L3MBTL4: variants seen among roughly 807,000 people sequenced by gnomAD.
L3MBTL4 encodes the protein L3MBTL histone methyl-lysine binding protein 4.
L3MBTL4 carries 70 observed loss-of-function variants against 84.5 expected under a neutral mutation model. That is an observed-to-expected ratio of 0.83 (90% confidence interval 0.68 to 1.01). L3MBTL4 has a LOEUF of 1.01. L3MBTL4 is among the 50% of genes least tolerant of loss of function. The pLI, the probability that L3MBTL4 is intolerant of heterozygous loss-of-function variation, is 0.00. For missense variants in L3MBTL4, 715 were observed against 754.8 expected (o/e 0.95, Z 0.62); for synonymous variants, 274 against 259.8 (o/e 1.05, Z -0.52).
At chr18:6,005,369 A>G (rs904497958) in intron 16 of L3MBTL4, among the ~76,000 whole-genome samples, 2 of 152,140 alleles carry the variant, frequency 1.3e-5, no homozygotes, top group African/African-American at 4.8e-5. Flanking sequence ...AAAGGAGCAC[A>G]TGTACGGGTT....
intron 16 of L3MBTL4, among the ~76,000 whole-genome samples, chr18:6,036,154 C>T (rs981096953): frequency 6.6e-5 from 10 of 152,148 alleles, no homozygotes; most frequent in African/African-American, 1.9e-4. Context: ...ATTAGTGTTT[C>T]GGTTTGGATC....
chr18:6,097,260 G>T (rs1464744083), intron 14 of L3MBTL4, among the ~76,000 whole-genome samples: 1 of 152,198 alleles, frequency 6.6e-6, no homozygotes, highest in Non-Finnish European at 1.5e-5. Context: ...TGTTTTGACA[G>T]ATACAAGTAG....
chr18:5,961,207 G>A (rs894289412), intron 17 of L3MBTL4, among the ~76,000 whole-genome samples: 7 of 152,206 alleles, frequency 4.6e-5, no homozygotes, highest in Non-Finnish European at 7.3e-5. Context: ...GCTGGAGAGC[G>A]CAGTTATCAA....
At chr18:6,295,227 G>A (rs1237131657) in intron 4 of L3MBTL4, among the ~76,000 whole-genome samples, 1 of 151,510 alleles carries the variant, frequency 6.6e-6, no homozygotes, top group Non-Finnish European at 1.5e-5. Flanking sequence ...AGCCGGGATA[G>A]TGCCACTGCA....
chr18:6,302,230 T>G (rs1568460363), intron 3 of L3MBTL4, among the ~76,000 whole-genome samples: 1 of 152,116 alleles, frequency 6.6e-6, no homozygotes, highest in Non-Finnish European at 1.5e-5. Flanking sequence ...TTGACACAGG[T>G]ACCTTCCCTG....
At chr18:5,994,275 G>A (rs771679758) in intron 16 of L3MBTL4, among the ~76,000 whole-genome samples, 49 of 152,200 alleles carry the variant, frequency 3.2e-4, no homozygotes, top group Non-Finnish European at 1.0e-4. Flanking sequence ...TGTGAGCTGC[G>A]TGGAGGCTGG....
intron 4 of L3MBTL4, among the ~76,000 whole-genome samples, chr18:6,266,629 G>A (rs866743693): frequency 7.9e-5 from 12 of 152,066 alleles, no homozygotes; most frequent in Admixed American, 3.3e-4. Context: ...ACTTTTTGTC[G>A]TTAAAAAATT....
intron 16 of L3MBTL4, among the ~76,000 whole-genome samples, chr18:6,056,490 T>C (rs1283015847): frequency 6.6e-6 from 1 of 152,176 alleles, no homozygotes; most frequent in East Asian, 1.9e-4. Flanking sequence ...TGGAGAAATG[T>C]CTGAGTGCTG....
intron 10 of L3MBTL4, among the ~76,000 whole-genome samples, chr18:6,228,390 A>AT (rs1199379966): frequency 2.6e-5 from 4 of 152,128 alleles, no homozygotes; most frequent in Admixed American, 1.3e-4. Context: ...AAAATTAATT[A>AT]ATTGGGCATC....
At chr18:5,972,912 T>TAGAACAGAAG in intron 16 of L3MBTL4, among the ~76,000 whole-genome samples, 1 of 23,222 alleles carries the variant, frequency 4.3e-5, no homozygotes, top group South Asian at 1.1e-3. Context: ...TAGAATAGAA[T>TAGAACAGAAG]AGAATAGAAT....
intron 16 of L3MBTL4, among the ~76,000 whole-genome samples, chr18:6,028,172 T>A (rs2055599975): frequency 6.6e-6 from 1 of 152,088 alleles, no homozygotes; most frequent in Admixed American, 6.6e-5. Context: ...GGTTTTGGGT[T>A]TTACGTTTAA....
chr18:5,975,027 T>C (rs1281441483), intron 16 of L3MBTL4, among the ~76,000 whole-genome samples: 1 of 152,164 alleles, frequency 6.6e-6, no homozygotes, highest in East Asian at 1.9e-4. Flanking sequence ...GATTTAATTT[T>C]GTCTGAAAAT....
chr18:6,097,221 C>A (rs1231641200), intron 14 of L3MBTL4, among the ~76,000 whole-genome samples: 4 of 152,044 alleles, frequency 2.6e-5, no homozygotes, highest in Non-Finnish European at 1.5e-5. Flanking sequence ...AGTTGCCAGA[C>A]CATTGCAGAC....
chr18:6,001,158 T>A (rs1348365986), intron 16 of L3MBTL4, among the ~76,000 whole-genome samples: 2 of 152,242 alleles, frequency 1.3e-5, no homozygotes, highest in Non-Finnish European at 2.9e-5. Flanking sequence ...ATATTGAGGA[T>A]CTGTGTCCTC....
chr18:6,209,604 A>ATC (rs1423021284), intron 12 of L3MBTL4, among the ~76,000 whole-genome samples: 1 of 152,180 alleles, frequency 6.6e-6, no homozygotes, highest in African/African-American at 2.4e-5. Flanking sequence ...CAAAATCTGA[A>ATC]ATATAGAGTT....
intron 1 of L3MBTL4, among the ~76,000 whole-genome samples, chr18:6,357,350 T>A (rs564065728): frequency 3.8e-4 from 58 of 152,196 alleles, no homozygotes; most frequent in Admixed American, 1.8e-3. Context: ...GAAGAAAAAA[T>A]TTAGTAATAT....
chr18:5,964,051 G>C (rs592737), intron 17 of L3MBTL4, among the ~76,000 whole-genome samples: 26,207 of 152,174 alleles, frequency 0.17, 2,785 homozygotes, highest in African/African-American at 0.3. Context: ...GTGGCATGGG[G>C]GCTGCCATGT....
rs543531502 is a variant in L3MBTL4 at position 6,186,002 on chromosome 18, A to ATATTT, written c.982-14065_982-14061dup. On this transcript the variant is annotated intron_variant, in intron 12 of 18. Coordinates refer to ENST00000317931, the MANE Select transcript of L3MBTL4 (RefSeq NM_001330559.2). ...TTATTTTATTTTATTTTATTATTTT[A>ATATTT]TATTTTATTTTATTTTATTTTATTT... 1.3e-3 allele frequency among the ~76,000 whole-genome samples: 172 copies of ATATTT among 134,226 alleles called. 8 individuals are homozygous for ATATTT. Among genetic ancestry groups the ATATTT allele is most frequent in the African/African-American group, 4.3e-3 (115 of 26,714 alleles). 88.1% of individuals were successfully genotyped at this position (134,226 alleles called of 152,430 possible). A position where few individuals can be genotyped will look rare whatever the true frequency, so the allele number is the denominator to read the frequency against.
chr18:6,046,821 A>G lies in L3MBTL4; in HGVS notation c.1444+34060T>C, dbSNP rs654597. ...AAGTTAGCAAGATCTCAAACTAACA[A>G]TCTAATATCACATCTAGAGGAACTA... On this transcript the variant is annotated intron_variant, in intron 16 of 18. Transcript: ENST00000317931. 3.2e-3 allele frequency: 2,385 copies of G among 745,208 alleles called. 46 individuals are homozygous for G. The African/African-American group carries it at 0.036, about 11-fold the overall frequency. The allele number at this position is 745,208 out of a possible 1,614,324, so 46.2% of individuals were successfully genotyped here.
Sources: allele counts gnomAD v4.1 joint callset (sites outside exome capture counted in the v4.1 genomes callset), GRCh38; gene constraint gnomAD v4.1.1; transcripts MANE v1.5; gene names NCBI Gene and HGNC (gene_info 2026-07-23, HGNC 2026-07-21).